RTN1: variants seen among roughly 807,000 people sequenced by gnomAD.
RTN1 encodes the protein reticulon-1.
In RTN1, 25 loss-of-function variants were observed where a neutral mutation model predicts 65.5. That is an observed-to-expected ratio of 0.38 (90% CI 0.28 to 0.53). The LOEUF is 0.53. Ranked by LOEUF, RTN1 falls within the 20% of genes least tolerant of loss-of-function variation. RTN1 has a pLI of 0.79. For synonymous variants in RTN1, 471 were observed against 447.6 expected (o/e 1.05, Z -0.66); for missense variants, 983 against 1,025.4 (o/e 0.96, Z 0.57).
chr14:59,728,030 T>G (rs1181572096), intron 2 of RTN1, among the ~76,000 whole-genome samples: 1 of 152,206 alleles, frequency 6.6e-6, no homozygotes, highest in Non-Finnish European at 1.5e-5. Context: ...TTCTGATTCA[T>G]TCTCTCAGGG....
chr14:59,819,309 T>C (rs532635623), intron 1 of RTN1, among the ~76,000 whole-genome samples: 2 of 148,476 alleles, frequency 1.3e-5, no homozygotes, highest in East Asian at 2.0e-4. Context: ...GGCGGGTCTT[T>C]ATTCCCTTAT....
At chr14:59,752,226 G>A (rs12050453) in intron 1 of RTN1, among the ~76,000 whole-genome samples, 2,061 of 152,180 alleles carry the variant, frequency 0.014, 37 homozygotes, top group East Asian at 0.055. Flanking sequence ...GATTATAGAC[G>A]ACAGAAATTT....
At chr14:59,640,480 C>T (rs1198181691) in intron 3 of RTN1, among the ~76,000 whole-genome samples, 1 of 152,044 alleles carries the variant, frequency 6.6e-6, no homozygotes, top group Non-Finnish European at 1.5e-5. Context: ...CCACGCACAG[C>T]TGATTTTTGT....
chr14:59,653,741 T>C (rs963518707), intron 3 of RTN1, among the ~76,000 whole-genome samples: 4 of 151,948 alleles, frequency 2.6e-5, no homozygotes, highest in Non-Finnish European at 4.4e-5. Context: ...CCCAGAATAA[T>C]AGGTTCCCAA....
At chr14:59,865,782 T>C (rs2139680287) in intron 1 of RTN1, among the ~76,000 whole-genome samples, 1 of 152,300 alleles carries the variant, frequency 6.6e-6, no homozygotes, top group Non-Finnish European at 1.5e-5. Context: ...CAGCATCGTT[T>C]TCAAAACTCC....
At chr14:59,779,233 G>A (rs1232515396) in intron 1 of RTN1, among the ~76,000 whole-genome samples, 8 of 152,090 alleles carry the variant, frequency 5.3e-5, no homozygotes, top group Non-Finnish European at 8.8e-5. Flanking sequence ...GGAGGAGTCT[G>A]GGGTAATCCC....
chr14:59,706,484 T>C (rs1404081222), intron 3 of RTN1, among the ~76,000 whole-genome samples: 1 of 149,098 alleles, frequency 6.7e-6, no homozygotes, highest in Non-Finnish European at 1.5e-5. Flanking sequence ...TTCAACAGAC[T>C]TAATGACTTG....
intron 3 of RTN1, among the ~76,000 whole-genome samples, chr14:59,681,235 C>T (rs1262140737): frequency 3.3e-5 from 5 of 152,116 alleles, no homozygotes; most frequent in African/African-American, 7.2e-5. Flanking sequence ...GCATTATTTG[C>T]TATGAACAAT....
chr14:59,669,364 C>T (rs980104740), intron 3 of RTN1, among the ~76,000 whole-genome samples: 1 of 151,964 alleles, frequency 6.6e-6, no homozygotes, highest in Non-Finnish European at 1.5e-5. Flanking sequence ...GACAGAAAAT[C>T]AAACACTGCA....
chr14:59,750,057 T>TACATATATTATATATTATATATTATAG (rs1566712992), intron 1 of RTN1, among the ~76,000 whole-genome samples: 3 of 51,840 alleles, frequency 5.8e-5, no homozygotes, highest in Admixed American at 4.1e-4. Context: ...TTATATTATA[T>TACATATATTATATATTATATATTATAG]ACATATATTA....
intron 3 of RTN1, among the ~76,000 whole-genome samples, chr14:59,614,677 C>T (rs569297542): frequency 2.6e-5 from 4 of 152,186 alleles, no homozygotes; most frequent in East Asian, 3.9e-4. Flanking sequence ...GAAAATTGTT[C>T]GATTTACCTA....
chr14:59,844,096 T>C (rs1162079586), intron 1 of RTN1, among the ~76,000 whole-genome samples: 3 of 152,172 alleles, frequency 2.0e-5, no homozygotes, highest in African/African-American at 7.2e-5. Flanking sequence ...GAGTGAGTCC[T>C]TTCTGGGAAA....
intron 1 of RTN1, among the ~76,000 whole-genome samples, chr14:59,782,316 A>G (rs1220174378): frequency 6.6e-6 from 1 of 152,228 alleles, no homozygotes; most frequent in Non-Finnish European, 1.5e-5. Context: ...AGGCATTGTT[A>G]CTGGAAGATA....
intron 1 of RTN1, among the ~76,000 whole-genome samples, chr14:59,779,910 C>G (rs985272157): frequency 1.3e-5 from 2 of 152,160 alleles, no homozygotes; most frequent in Non-Finnish European, 2.9e-5. Context: ...AATGATTTAG[C>G]AAGGATTATG....
At chr14:59,771,778 G>A (rs1885964076) in intron 1 of RTN1, among the ~76,000 whole-genome samples, 1 of 152,204 alleles carries the variant, frequency 6.6e-6, no homozygotes. Flanking sequence ...TCAGTAAATA[G>A]AAGGCTTTTA....
At chr14:59,603,618 G>C (rs2140160078) in intron 6 of RTN1, 1 of 331,438 alleles carries the variant, frequency 3.0e-6, no homozygotes, top group South Asian at 7.9e-5. Flanking sequence ...CCAGAAAGAA[G>C]CCAGTTATGT....
chr14:59,837,539 C>T (rs1231751616), intron 1 of RTN1, among the ~76,000 whole-genome samples: 1 of 151,508 alleles, frequency 6.6e-6, no homozygotes, highest in African/African-American at 2.4e-5. Context: ...ATGTATATAA[C>T]AAAAAAGTTA....
At chr14:59,835,089 G>C (rs1168991162) in intron 1 of RTN1, among the ~76,000 whole-genome samples, 1 of 152,090 alleles carries the variant, frequency 6.6e-6, no homozygotes, top group Non-Finnish European at 1.5e-5. Flanking sequence ...TCCCAAATTG[G>C]AAACAACCCC....
chr14:59,597,898 G>T (rs747500840), intron 8 of RTN1, among the ~76,000 whole-genome samples: 68 of 152,218 alleles, frequency 4.5e-4, no homozygotes, highest in South Asian at 8.3e-4. Context: ...GTTTGCTTGG[G>T]GTATGGACAG....
Sources: gnomAD v4.1 joint callset for allele counts (sites outside exome capture counted in the v4.1 genomes callset) on GRCh38, gnomAD v4.1.1 for gene constraint, MANE v1.5 for transcripts, NCBI Gene and HGNC (gene_info 2026-07-23, HGNC 2026-07-21) for gene names.